Variants in LPCAT2 observed in about 807,000 individuals in gnomAD.
The protein encoded by LPCAT2 is 1-AGP acyltransferase 11.
A neutral mutation model predicts 64.7 loss-of-function variants in LPCAT2; 58 were observed. That is an observed-to-expected ratio of 0.90 (90% CI 0.73 to 1.12). The LOEUF is 1.12. Ranked by LOEUF, LPCAT2 falls within the 50% of genes most tolerant of loss-of-function variation. The pLI is 0.00. For synonymous variants in LPCAT2, 252 were observed against 245.3 expected (o/e 1.03, Z -0.26); for missense variants, 579 against 669.8 (o/e 0.86, Z 1.50).
intron 13 of LPCAT2, among the ~76,000 whole-genome samples, chr16:55,579,696 G>C (rs1182979857): frequency 1.3e-5 from 2 of 152,080 alleles, no homozygotes; most frequent in African/African-American, 4.8e-5. Flanking sequence ...AAACCAAGTA[G>C]GTTGCAACTA....
At chr16:55,551,948 C>A (rs1963522605) in intron 11 of LPCAT2, among the ~76,000 whole-genome samples, 1 of 150,520 alleles carries the variant, frequency 6.6e-6, no homozygotes, top group Non-Finnish European at 1.5e-5. Flanking sequence ...ACCCTATTCT[C>A]AAAAAAAAAT....
In LPCAT2 at chr16:55,509,364, G is replaced by GGGTCTGAGGGGAGAGGT; in HGVS notation, c.171+24_171+40dup. The GGGTCTGAGGGGAGAGGT allele has an allele frequency of 7.1e-7, 1 of 1,407,302 alleles. No homozygotes were observed. The highest frequency in any genetic ancestry group is 9.3e-7 in the Non-Finnish European group (1 of 1,069,928). 87.2% of individuals were successfully genotyped at this position (1,407,302 alleles called of 1,614,324 possible). A position where few individuals can be genotyped will look rare whatever the true frequency, so the allele number is the denominator to read the frequency against. ...CGAGGCGGGTCCAGGTGAGGGGCGT[G>GGGTCTGAGGGGAGAGGT]GGTCTGAGGGGAGAGGTGGTCTGAG... On this transcript the variant is annotated intron_variant, in intron 1 of 13. Transcript: ENST00000262134.
Position 55,516,271 on chromosome 16 carries a change from A to AT in LPCAT2, c.171+6924dup, listed in dbSNP as rs766806943. Among the ~76,000 whole-genome samples, 564 of 127,710 alleles carry AT rather than the reference A, an allele frequency of 4.4e-3. 3 individuals are homozygous for AT. Among genetic ancestry groups the AT allele is most frequent in the Non-Finnish European group, 7.8e-3 (411 of 52,712 alleles). 83.8% of individuals were successfully genotyped at this position (127,710 alleles called of 152,430 possible). ...AGGCATGCACCACCACACCCAACAA[A>AT]TTTTTGTATTTTTTATAGAGATGGG... On this transcript the variant is annotated intron_variant, in intron 1 of 13. Coordinates refer to ENST00000262134, the MANE Select transcript of LPCAT2 (RefSeq NM_017839.5).
chr16:55,563,144 A>G (rs537813834), intron 11 of LPCAT2, among the ~76,000 whole-genome samples: 5 of 151,980 alleles, frequency 3.3e-5, no homozygotes, highest in South Asian at 2.1e-4. Context: ...GAAATTGTCA[A>G]ATTCCTACAC....
intron 2 of LPCAT2, among the ~76,000 whole-genome samples, chr16:55,527,940 G>A (rs1177742413): frequency 2.0e-5 from 3 of 152,174 alleles, no homozygotes; most frequent in Non-Finnish European, 4.4e-5. Context: ...CACAAATGTG[G>A]ATTCCCAAGA....
intron 11 of LPCAT2, among the ~76,000 whole-genome samples, chr16:55,571,267 T>C (rs1963766748): frequency 6.6e-6 from 1 of 151,594 alleles, no homozygotes; most frequent in Admixed American, 6.6e-5. Flanking sequence ...TTTTCAAGAG[T>C]TTTAAGTGGA....
rs558197761 is a variant in LPCAT2, at chr16:55,559,316, G to C, written c.1215+8214G>C. Among the ~76,000 whole-genome samples, 7 of 152,272 alleles carry C rather than the reference G, an allele frequency of 4.6e-5. No homozygotes were observed. In the East Asian group the frequency reaches 1.3e-3, roughly 29 times the overall value. ...TTTAAATACTGGACAGGAAAAGTTTGTGTATACTTTAGCACTTTGGCAATC... is the reference window on the plus strand; with the variant it reads ...TTTAAATACTGGACAGGAAAAGTTTCTGTATACTTTAGCACTTTGGCAATC... On this transcript the variant is annotated intron_variant, in intron 11 of 13. Transcript: ENST00000262134.
At chr16:55,520,097 G>C (rs1963073905) in intron 1 of LPCAT2, among the ~76,000 whole-genome samples, 1 of 151,890 alleles carries the variant, frequency 6.6e-6, no homozygotes, top group African/African-American at 2.4e-5. Context: ...CTAACTTAAA[G>C]GCAAAGATTT....
At chr16:55,547,395 C>T (rs1963466087) in intron 9 of LPCAT2, among the ~76,000 whole-genome samples, 1 of 152,214 alleles carries the variant, frequency 6.6e-6, no homozygotes, top group Non-Finnish European at 1.5e-5. Flanking sequence ...TTGCCTTTCT[C>T]ATGGTTTTGA....
intron 11 of LPCAT2, among the ~76,000 whole-genome samples, chr16:55,555,920 T>A (rs548479842): frequency 6.6e-6 from 1 of 152,332 alleles, no homozygotes; most frequent in East Asian, 1.9e-4. Flanking sequence ...GTCCAAGTGA[T>A]TCTCCTGCCT....
rs1191127991 is a variant in LPCAT2, at chr16:55,547,128, G to A, written c.935+1311G>A. On this transcript the variant is annotated intron_variant, in intron 9 of 13. Transcript: ENST00000262134. ...CATGCCACTGCACTCCAGCCTGGGCGACGAGTGAAACTCCGTCTCAAAAAA... is the reference window on the plus strand; with the variant it reads ...CATGCCACTGCACTCCAGCCTGGGCAACGAGTGAAACTCCGTCTCAAAAAA... Among the ~76,000 whole-genome samples, 6 of 151,738 alleles carry A rather than the reference G, an allele frequency of 4.0e-5. No individual in the cohort carries two copies. In the East Asian group the frequency reaches 7.8e-4, roughly 20 times the overall value.
intron 1 of LPCAT2, among the ~76,000 whole-genome samples, chr16:55,510,448 G>T (rs559417492): frequency 6.6e-6 from 1 of 150,776 alleles, no homozygotes; most frequent in African/African-American, 2.4e-5. Flanking sequence ...TGTTCTGCGG[G>T]GGTTGGGGGG....
chr16:55,557,393 T>C (rs1420469423), intron 11 of LPCAT2, among the ~76,000 whole-genome samples: 1 of 152,024 alleles, frequency 6.6e-6, no homozygotes, highest in Non-Finnish European at 1.5e-5. Context: ...TGCCACACCT[T>C]ATACACATAC....
chr16:55,564,941 A>G (rs1237806273), intron 11 of LPCAT2, among the ~76,000 whole-genome samples: 3 of 152,038 alleles, frequency 2.0e-5, no homozygotes, highest in East Asian at 3.9e-4. Context: ...CAAATTATAT[A>G]TCTGATAAGG....
Position 55,584,218 on chromosome 16 carries a change from C to T in LPCAT2, c.*1120C>T, listed in dbSNP as rs1049732467. On this transcript the variant is annotated 3_prime_UTR_variant, in exon 14 of 14. Transcript: ENST00000262134. ...GCCCTATAAATGAATCAGATTTGTTCTATTTATATAATATTAGAATTAATA... is the reference window on the plus strand; with the variant it reads ...GCCCTATAAATGAATCAGATTTGTTTTATTTATATAATATTAGAATTAATA... 3.3e-5 allele frequency: 5 copies of T among 152,062 alleles called. No individual in the cohort carries two copies. The East Asian group carries it at 9.6e-4, about 29-fold the overall frequency. 9.4% of individuals were successfully genotyped at this position (152,062 alleles called of 1,614,324 possible). A position where few individuals can be genotyped will look rare whatever the true frequency, so the allele number is the denominator to read the frequency against.
chr16:55,509,991 C>CTTTTTTT (rs57496150), intron 1 of LPCAT2, among the ~76,000 whole-genome samples: 1,203 of 102,494 alleles, frequency 0.012, 97 homozygotes, highest in Middle Eastern at 0.031. Context: ...TTGAAGAAGT[C>CTTTTTTT]TTTTTTTTTT....
At chr16:55,516,598 A>G (rs1167008200) in intron 1 of LPCAT2, among the ~76,000 whole-genome samples, 1 of 152,240 alleles carries the variant, frequency 6.6e-6, no homozygotes, top group Non-Finnish European at 1.5e-5. Context: ...TTAAGATGTA[A>G]TAATTATAAC....
At chr16:55,565,855 G>A (rs1963689736) in intron 11 of LPCAT2, among the ~76,000 whole-genome samples, 1 of 152,148 alleles carries the variant, frequency 6.6e-6, no homozygotes, top group Non-Finnish European at 1.5e-5. Context: ...TATATTTTAT[G>A]GCATGTGTAT....
intron 10 of LPCAT2, 71 bp downstream of exon 10, chr16:55,549,473 C>T: frequency 7.2e-7 from 1 of 1,390,904 alleles, no homozygotes; most frequent in South Asian, 1.4e-5. Flanking sequence ...TGTTTATTTT[C>T]TCCTGCTTTA....
Sources: gnomAD v4.1 joint callset for allele counts (sites outside exome capture counted in the v4.1 genomes callset) on GRCh38, gnomAD v4.1.1 for gene constraint, MANE v1.5 for transcripts, NCBI Gene and HGNC (gene_info 2026-07-23, HGNC 2026-07-21) for gene names.